Variants in CRPPA observed in about 807,000 individuals in gnomAD.
CRPPA encodes D-ribitol-5-phosphate cytidylyltransferase.
In CRPPA, 43 loss-of-function variants were observed where a neutral mutation model predicts 52.0. The observed-to-expected ratio is 0.83, with a 90% CI of 0.65 to 1.07. The LOEUF is 1.07. Ranked by LOEUF, CRPPA falls within the 50% of genes least tolerant of loss-of-function variation. CRPPA has a pLI of 0.00. For missense variants in CRPPA, 629 were observed against 551.7 expected (o/e 1.14, Z -1.40); for synonymous variants, 250 against 203.5 (o/e 1.23, Z -1.94).
intron 9 of CRPPA, among the ~76,000 whole-genome samples, chr7:16,213,064 G>T (rs140550342): frequency 6.6e-6 from 1 of 152,220 alleles, no homozygotes; most frequent in African/African-American, 2.4e-5. Context: ...GCAAATATTT[G>T]CATTAAAAAG....
chr7:16,328,332 T>C (rs1186984023), intron 3 of CRPPA, among the ~76,000 whole-genome samples: 1 of 152,146 alleles, frequency 6.6e-6, no homozygotes, highest in African/African-American at 2.4e-5. Flanking sequence ...AAGCACACAA[T>C]CTAAGTAGTT....
At chr7:16,289,897 G>A (rs1440925889) in intron 5 of CRPPA, among the ~76,000 whole-genome samples, 1 of 152,036 alleles carries the variant, frequency 6.6e-6, no homozygotes, top group Non-Finnish European at 1.5e-5. Flanking sequence ...TTCTATCATA[G>A]ATGACATAAT....
chr7:16,103,224 T>C (rs917800399), intron 9 of CRPPA, among the ~76,000 whole-genome samples: 1 of 152,136 alleles, frequency 6.6e-6, no homozygotes, highest in Admixed American at 6.6e-5. Flanking sequence ...AAACACCGCA[T>C]GTTCTCACTC....
At chr7:16,311,416 TA>T (rs1313158179) in intron 3 of CRPPA, among the ~76,000 whole-genome samples, 3 of 152,244 alleles carry the variant, frequency 2.0e-5, no homozygotes, top group Admixed American at 1.3e-4. Flanking sequence ...CAGAAATAAA[TA>T]GCTGTAATCA....
intron 2 of CRPPA, among the ~76,000 whole-genome samples, chr7:16,384,368 A>G (rs1349686395): frequency 6.6e-6 from 1 of 152,236 alleles, no homozygotes; most frequent in Non-Finnish European, 1.5e-5. Context: ...AAACTGTAGG[A>G]CAGTCAGTTT....
At chr7:16,399,688 C>A (rs1473130784) in intron 2 of CRPPA, among the ~76,000 whole-genome samples, 1 of 152,030 alleles carries the variant, frequency 6.6e-6, no homozygotes, top group South Asian at 2.1e-4. Flanking sequence ...ACCAGTGACA[C>A]GTGAGCAACA....
At chr7:16,419,614 T>G (rs928828070) in intron 1 of CRPPA, among the ~76,000 whole-genome samples, 2 of 152,120 alleles carry the variant, frequency 1.3e-5, no homozygotes, top group Non-Finnish European at 2.9e-5. Flanking sequence ...CTAAGATCAG[T>G]GCTTGAGATA....
intron 9 of CRPPA, among the ~76,000 whole-genome samples, chr7:16,191,764 A>G (rs1346900379): frequency 6.6e-6 from 1 of 152,058 alleles, no homozygotes; most frequent in Non-Finnish European, 1.5e-5. Flanking sequence ...ACATCTTCCT[A>G]ATGAGGCAAA....
At chr7:16,370,512 G>C (rs942926352) in intron 3 of CRPPA, among the ~76,000 whole-genome samples, 2 of 152,146 alleles carry the variant, frequency 1.3e-5, no homozygotes, top group African/African-American at 4.8e-5. Flanking sequence ...AGACCCAGAA[G>C]AGCAATATCA....
intron 9 of CRPPA, among the ~76,000 whole-genome samples, chr7:16,164,961 C>G (rs1562534285): frequency 6.6e-6 from 1 of 152,002 alleles, no homozygotes; most frequent in Non-Finnish European, 1.5e-5. Flanking sequence ...TGGGAGGTGT[C>G]TCCCTGTCAG....
In CRPPA at chr7:16,382,687, G is replaced by A. The variant is rs1206693930; in HGVS notation, c.535-6446C>T. 3.2e-4 allele frequency among the ~76,000 whole-genome samples: 48 copies of A among 151,978 alleles called. No homozygotes were observed. The East Asian group carries it at 5.0e-3, about 16-fold the overall frequency. ...CCCATATTTCTTGGAGGCTTTGTTC[G>A]TTTCTTTTTATTCTTTTTTCTCTAA... is the stretch of plus-strand genomic sequence containing the variant. On this transcript the variant is annotated intron_variant, in intron 2 of 9. Transcript: ENST00000407010.
rs73681791 is a variant in CRPPA at position 16,215,027 on chromosome 7, A to G, written c.1251+1039T>C. Among the ~76,000 whole-genome samples the G allele has an allele frequency of 3.3e-3, 497 of 152,344 alleles. 2 individuals carry two copies. Among genetic ancestry groups the G allele is most frequent in the African/African-American group, 0.011 (472 of 41,584 alleles). ...TGCATATTTTGGAAGCAGAGGAAAC[A>G]ACAACCTTTAAGTTAAAACAAAACC... On this transcript the variant is annotated intron_variant, in intron 9 of 9. Coordinates refer to ENST00000407010, the MANE Select transcript of CRPPA (RefSeq NM_001101426.4).
At chr7:16,216,266 A>G (rs1370135804) in intron 8 of CRPPA, 69 bp from the exon 9 acceptor site, 1 of 989,462 alleles carries the variant, frequency 1.0e-6, no homozygotes, top group Non-Finnish European at 1.5e-6. Context: ...AAAAAACATT[A>G]AAGAAGCTCA....
intron 2 of CRPPA, among the ~76,000 whole-genome samples, chr7:16,400,437 T>C (rs868578411): frequency 2.0e-5 from 3 of 152,166 alleles, no homozygotes; most frequent in Admixed American, 1.3e-4. Flanking sequence ...TATGATCGAC[T>C]TGTGATCAAC....
intron 9 of CRPPA, among the ~76,000 whole-genome samples, chr7:16,140,207 G>C (rs574796478): frequency 6.6e-6 from 1 of 152,194 alleles, no homozygotes; most frequent in South Asian, 2.1e-4. Flanking sequence ...GACTGCAGTG[G>C]TGTGATCTCA....
chr7:16,306,019 A>G (rs1784902681), intron 4 of CRPPA, among the ~76,000 whole-genome samples: 1 of 152,198 alleles, frequency 6.6e-6, no homozygotes, highest in Admixed American at 6.5e-5. Context: ...GATGGCTGGC[A>G]ACCCCTGCCA....
chr7:16,258,329 T>C (rs1783699494), intron 8 of CRPPA, 61 bp downstream of exon 8: 2 of 1,027,484 alleles, frequency 1.9e-6, no homozygotes. Context: ...TAAAAATATG[T>C]ACATTGAGTT....
At chr7:16,387,934 T>G (rs1007209686) in intron 2 of CRPPA, among the ~76,000 whole-genome samples, 9 of 152,302 alleles carry the variant, frequency 5.9e-5, no homozygotes, top group Admixed American at 1.3e-4. Context: ...AAGTATAGTC[T>G]CTTAGAATAG....
intron 8 of CRPPA, among the ~76,000 whole-genome samples, chr7:16,251,557 C>G (rs1783448902): frequency 6.6e-6 from 1 of 152,148 alleles, no homozygotes; most frequent in African/African-American, 2.4e-5. Flanking sequence ...CAAATTAGAA[C>G]TCAGGATTAA....
Sources: gnomAD v4.1 joint callset for allele counts (sites outside exome capture counted in the v4.1 genomes callset) on GRCh38, gnomAD v4.1.1 for gene constraint, MANE v1.5 for transcripts, NCBI Gene and HGNC (gene_info 2026-07-23, HGNC 2026-07-21) for gene names.